Variants in NIPBL observed in about 807,000 individuals in gnomAD.
NIPBL encodes NIPBL cohesin loading factor, also known as nipped-B-like protein.
A neutral mutation model predicts 321.8 loss-of-function variants in NIPBL; 19 were observed. That is an observed-to-expected ratio of 0.06 (90% confidence interval 0.04 to 0.09). The LOEUF is 0.09. Among genes scored for constraint, NIPBL ranks in the 10% least tolerant of loss-of-function variants. The pLI, the probability that NIPBL is intolerant of heterozygous loss-of-function variation, is 1.00. For missense variants in NIPBL, 2,210 were observed against 3,327.0 expected (o/e 0.66, Z 8.26); for synonymous variants, 1,106 against 1,114.1 (o/e 0.99, Z 0.14).
intron 9 of NIPBL, among the ~76,000 whole-genome samples, chr5:36,977,562 T>G (rs936811166): frequency 2.6e-5 from 4 of 151,526 alleles, no homozygotes; most frequent in African/African-American, 9.7e-5. Flanking sequence ...CTAGAAGTCT[T>G]CATTTTACTG....
intron 1 of NIPBL, chr5:36,885,549 TG>T: frequency 1.9e-6 from 1 of 527,800 alleles, no homozygotes. Flanking sequence ...CGGGAGCACC[TG>T]GAGAAGAAGG....
chr5:37,025,468 A>G (rs1190084521), intron 30 of NIPBL, among the ~76,000 whole-genome samples: 2 of 152,210 alleles, frequency 1.3e-5, no homozygotes, highest in Non-Finnish European at 2.9e-5. Flanking sequence ...AAAAAAATTT[A>G]TCTCATAGAG....
intron 1 of NIPBL, among the ~76,000 whole-genome samples, chr5:36,902,524 A>C (rs1747310701): frequency 6.6e-6 from 1 of 151,824 alleles, no homozygotes; most frequent in Admixed American, 6.6e-5. Flanking sequence ...ATTGCTTGTT[A>C]TTTTCAGCTT....
chr5:36,971,896 T>G (rs1485271706), intron 7 of NIPBL, 49 bp from the exon 8 acceptor site: 2 of 1,566,810 alleles, frequency 1.3e-6, no homozygotes, highest in Admixed American at 3.4e-5. Flanking sequence ...AAGATTTCTA[T>G]AAAGCCTCTC....
chr5:37,038,080 C>T (rs896439277), intron 33 of NIPBL, among the ~76,000 whole-genome samples: 1 of 151,194 alleles, frequency 6.6e-6, no homozygotes, highest in African/African-American at 2.4e-5. Context: ...GCCTAGAACT[C>T]CTGGGCTGAA....
At chr5:36,907,583 C>T (rs1436889807) in intron 1 of NIPBL, among the ~76,000 whole-genome samples, 1 of 152,052 alleles carries the variant, frequency 6.6e-6, no homozygotes, top group East Asian at 1.9e-4. Context: ...AGTAATATGA[C>T]TGAAACTAAA....
rs780089356 is a variant in NIPBL, at chr5:36,996,480, T to G, written c.3304+676T>G. The G allele has an allele frequency of 4.4e-6, 2 of 456,584 alleles. No individual in the cohort carries two copies. The highest frequency in any genetic ancestry group is 3.2e-4 in the Middle Eastern group (1 of 3,094). The allele number at this position is 456,584 out of a possible 1,614,324, so 28.3% of individuals were successfully genotyped here. A position where few individuals can be genotyped will look rare whatever the true frequency, so the allele number is the denominator to read the frequency against. On this transcript the variant is annotated intron_variant, in intron 11 of 46. Coordinates refer to ENST00000282516, the MANE Select transcript of NIPBL (RefSeq NM_133433.4). This position sits in a 1 kb window ranked among gnomAD's most constrained non-coding sequence, Gnocchi z 5.0. ...GTTTCACTGTTTTCCAGAGCTGGCT[T>G]CTTCACTACACAGCTACCTCTCTAC...
At chr5:36,896,588 A>G (rs996180070) in intron 1 of NIPBL, among the ~76,000 whole-genome samples, 1 of 152,056 alleles carries the variant, frequency 6.6e-6, no homozygotes, top group African/African-American at 2.4e-5. Context: ...TAAAGCCCTA[A>G]TTTCCTTTAG....
chr5:37,061,034 A>G lies in NIPBL; in HGVS notation c.7860+16A>G. 4 of 1,609,734 alleles carry G rather than the reference A, an allele frequency of 2.5e-6. No individual in the cohort carries two copies. Among genetic ancestry groups the G allele is most frequent in the Non-Finnish European group, 2.6e-6 (3 of 1,176,182 alleles). On this transcript the variant is annotated intron_variant, in intron 45 of 46. Coordinates refer to ENST00000282516, the MANE Select transcript of NIPBL (RefSeq NM_133433.4). ...GTATCTAGATGTGAGTAGTAAAACC[A>G]AAAGTTTTTACTTCTCATAAGGGCT...
intron 1 of NIPBL, among the ~76,000 whole-genome samples, chr5:36,950,700 A>G (rs1330112118): frequency 1.3e-5 from 2 of 152,132 alleles, no homozygotes; most frequent in Non-Finnish European, 2.9e-5. Context: ...TTGCAGTTTC[A>G]TTCTAGACAC....
At chr5:37,007,132 C>G (rs1439596177) in intron 17 of NIPBL, among the ~76,000 whole-genome samples, 191 bp from the exon 18 acceptor site, 1 of 151,880 alleles carries the variant, frequency 6.6e-6, no homozygotes, top group African/African-American at 2.4e-5. Flanking sequence ...TGAAGATTAT[C>G]TGATGCAAGA....
chr5:36,878,974 G>A (rs114053284), intron 1 of NIPBL, among the ~76,000 whole-genome samples: 1 of 148,756 alleles, frequency 6.7e-6, no homozygotes, highest in Non-Finnish European at 1.5e-5. Context: ...TACTGCGGGT[G>A]GGGGGGTGTG....
rs933778218 is a variant in NIPBL, at chr5:36,930,981, A to T, written c.-79-22637A>T. 2.6e-5 allele frequency among the ~76,000 whole-genome samples: 4 copies of T among 152,096 alleles called. No individual in the cohort carries two copies. In the East Asian group the frequency reaches 5.8e-4, roughly 22 times the overall value. On this transcript the variant is annotated intron_variant, in intron 1 of 46. Transcript: ENST00000282516. ...ATTTTTGTATGTGTGTTCATGAGGG[A>T]TATTGGTCTGTAGTTTTCTTGCATT...
At chr5:36,963,017 T>C (rs1379585514) in intron 6 of NIPBL, among the ~76,000 whole-genome samples, 2 of 152,126 alleles carry the variant, frequency 1.3e-5, no homozygotes, top group East Asian at 3.9e-4. Context: ...TTTACTGTAG[T>C]ACAGTAAAGG....
At chr5:37,002,160 T>A (rs1425578399) in intron 14 of NIPBL, among the ~76,000 whole-genome samples, 1 of 152,072 alleles carries the variant, frequency 6.6e-6, no homozygotes, top group Admixed American at 6.6e-5. Context: ...TCACCAGAAC[T>A]CATTCTGCAG....
At chr5:37,001,187 G>A (rs1746754300) in intron 14 of NIPBL, 109 bp downstream of exon 14, 2 of 748,280 alleles carry the variant, frequency 2.7e-6, no homozygotes, top group Non-Finnish European at 4.7e-6. Context: ...TCATATACTG[G>A]TTGTTGTTGT....
intron 1 of NIPBL, among the ~76,000 whole-genome samples, chr5:36,917,101 G>T (rs920822153): frequency 2.0e-5 from 3 of 152,142 alleles, no homozygotes; most frequent in African/African-American, 4.8e-5. Context: ...GACTGAACTA[G>T]TTTACAGTCC....
chr5:36,909,353 G>A (rs982384303), intron 1 of NIPBL, among the ~76,000 whole-genome samples: 3 of 152,204 alleles, frequency 2.0e-5, no homozygotes, highest in African/African-American at 7.2e-5. Flanking sequence ...TTAGAGTTCA[G>A]TGTATTCAGG....
At chr5:36,909,587 G>C (rs1202567462) in intron 1 of NIPBL, among the ~76,000 whole-genome samples, 1 of 151,930 alleles carries the variant, frequency 6.6e-6, no homozygotes, top group Non-Finnish European at 1.5e-5. Flanking sequence ...AGTATTATTG[G>C]TAATCACAAA....
Sources: allele counts gnomAD v4.1 joint callset (sites outside exome capture counted in the v4.1 genomes callset), GRCh38; gene constraint gnomAD v4.1.1; non-coding constraint Gnocchi (gnomAD v3.1); transcripts MANE v1.5; gene names NCBI Gene and HGNC (gene_info 2026-07-23, HGNC 2026-07-21).